The following RNF17 variants were observed in gnomAD, a reference collection of about 807,000 sequenced individuals.
RNF17 encodes the protein ring finger protein 17.
Under a neutral mutation model 200.5 loss-of-function variants are expected in RNF17, and 31 were observed. The observed-to-expected ratio is 0.15, with a 90% CI of 0.12 to 0.21. The LOEUF is 0.21. Ranked by LOEUF, RNF17 falls within the 10% of genes least tolerant of loss-of-function variation. The pLI is 1.00. For missense variants in RNF17, 1,628 were observed against 1,905.1 expected (o/e 0.85, Z 2.71); for synonymous variants, 606 against 637.8 (o/e 0.95, Z 0.75).
intron 15 of RNF17, among the ~76,000 whole-genome samples, chr13:24,811,779 A>G (rs944965256): frequency 7.2e-5 from 11 of 151,744 alleles, no homozygotes; most frequent in African/African-American, 2.2e-4. Flanking sequence ...GGTTTTATCT[A>G]CTTTTGGTCT....
intron 15 of RNF17, among the ~76,000 whole-genome samples, chr13:24,814,507 TAGGTTTAG>T (rs1208875784): frequency 6.6e-6 from 1 of 152,218 alleles, no homozygotes; most frequent in Non-Finnish European, 1.5e-5. Context: ...AAGAGTTTTA[TAGGTTTAG>T]ATCTTTGATT....
At chr13:24,829,470 C>T (rs1019435340) in intron 16 of RNF17, among the ~76,000 whole-genome samples, 7 of 152,172 alleles carry the variant, frequency 4.6e-5, no homozygotes, top group Non-Finnish European at 7.3e-5. Context: ...TGAGAACATC[C>T]TTCTAGCAAG....
chr13:24,881,837 G>T (rs1358203914), downstream of RNF17, among the ~76,000 whole-genome samples: 300 of 126,710 alleles, frequency 2.4e-3, no homozygotes, highest in African/African-American at 9.2e-3. Context: ...CATCTATATA[G>T]ATATATAGAT....
At chr13:24,809,251 T>A (rs1226835452) in intron 15 of RNF17, among the ~76,000 whole-genome samples, 45 of 150,904 alleles carry the variant, frequency 3.0e-4, no homozygotes, top group Middle Eastern at 3.2e-3. Flanking sequence ...TCTGGTAGAA[T>A]TCGGCTGTGA....
rs201051021 is a variant in RNF17, at chr13:24,879,707, AG to A, written c.*11-28del. On this transcript the variant is annotated intron_variant, in intron 35 of 35. Coordinates refer to ENST00000255324, the MANE Select transcript of RNF17 (RefSeq NM_031277.3). ...TAGATTGAACATTTACATTAAGCAA[AG>A]GTTTAAAATAACACATTTTATTTTT... The A allele has an allele frequency of 9.1e-3, 1,434 of 156,862 alleles. 27 individuals are homozygous for A. The highest frequency in any genetic ancestry group is 0.033 in the African/African-American group (1,375 of 41,660). 9.7% of individuals were successfully genotyped at this position (156,862 alleles called of 1,614,324 possible).
chr13:24,886,338 G>A, the RNF17 span: 3 of 1,289,174 alleles, frequency 2.3e-6, no homozygotes, highest in South Asian at 1.2e-5. Context: ...AGCGGAGGCA[G>A]GTGGTCAGCC....
chr13:24,880,082 C>G (rs11840962), downstream of RNF17, among the ~76,000 whole-genome samples: 18 of 152,192 alleles, frequency 1.2e-4, no homozygotes, highest in African/African-American at 4.1e-4. Context: ...GTGTATTAGT[C>G]TCTTCTTATA....
At chr13:24,819,566 A>G (rs556422374) in intron 15 of RNF17, among the ~76,000 whole-genome samples, 1 of 152,310 alleles carries the variant, frequency 6.6e-6, no homozygotes, top group South Asian at 2.1e-4. Flanking sequence ...GAGATTACAT[A>G]TAACATCCTA....
chr13:24,879,436 T>A (rs1895213568), intron 35 of RNF17, 141 bp downstream of exon 35: 1 of 615,530 alleles, frequency 1.6e-6, no homozygotes. Context: ...TCATAGGCCC[T>A]TCTCACCTAT....
chr13:24,885,953 C>T, the RNF17 span: 1 of 455,898 alleles, frequency 2.2e-6, no homozygotes, highest in South Asian at 2.2e-5. Flanking sequence ...GAGACAATCA[C>T]AAGGTGTAAG....
At chr13:24,755,403 G>C in the RNF17 span, among the ~76,000 whole-genome samples, 1 of 151,964 alleles carries the variant, frequency 6.6e-6, no homozygotes, top group East Asian at 1.9e-4. Context: ...TTTCAAAATT[G>C]GTAGCTTATT....
chr13:24,884,771 T>TC (rs1953963950), downstream of RNF17, among the ~76,000 whole-genome samples: 1 of 152,138 alleles, frequency 6.6e-6, no homozygotes, highest in Non-Finnish European at 1.5e-5. Flanking sequence ...CTTCTCTCAT[T>TC]CCTCAAGGAT....
intron 11 of RNF17, among the ~76,000 whole-genome samples, chr13:24,796,761 G>A (rs1488149713): frequency 6.6e-6 from 1 of 152,202 alleles, no homozygotes; most frequent in East Asian, 1.9e-4. Context: ...TTTTAATTGT[G>A]AGGATATGTG....
chr13:24,774,424 G>A (rs1358744484), intron 2 of RNF17, among the ~76,000 whole-genome samples: 1 of 152,198 alleles, frequency 6.6e-6, no homozygotes, highest in African/African-American at 2.4e-5. Context: ...TGGCCAGGCT[G>A]GTGTTGAACT....
chr13:24,839,268 A>G (rs1890357205), intron 18 of RNF17, among the ~76,000 whole-genome samples: 1 of 152,134 alleles, frequency 6.6e-6, no homozygotes, highest in Non-Finnish European at 1.5e-5. Flanking sequence ...TGGTACCCAT[A>G]TTGATGGGTA....
chr13:24,845,526 A>G (rs1369441171), intron 22 of RNF17, among the ~76,000 whole-genome samples: 1 of 152,178 alleles, frequency 6.6e-6, no homozygotes, highest in Non-Finnish European at 1.5e-5. Context: ...TCAGATGACA[A>G]GTTACTTCTG....
At position 24,825,781 on chromosome 13, in the gene RNF17, A is replaced by G; in HGVS notation, c.2245+9A>G. 6.2e-7 allele frequency: 1 copy of G among 1,610,150 alleles called. No individual in the cohort carries two copies. Among genetic ancestry groups the G allele is most frequent in the Non-Finnish European group, 8.5e-7 (1 of 1,178,062 alleles). ...CCGAGCAAAAGTTATCGGTAGGAGA[A>G]TGCATGCTGTTTCTACAGGGAGATG... On this transcript the variant is annotated intron_variant, in intron 16 of 35. Transcript: ENST00000255324.
chr13:24,748,867 A>G, the RNF17 span, among the ~76,000 whole-genome samples: 2 of 151,948 alleles, frequency 1.3e-5, no homozygotes, highest in Admixed American at 6.6e-5. Context: ...CTCCTGCCTC[A>G]GCCTCCTGAG....
rs994208668 is a variant in RNF17, at chr13:24,779,767, A to G, written c.510+20A>G. Reference sequence around the variant, plus strand: ...GGAAAAGTAAGCACTTTGCAGGATTAAATTCTATCATGAAGTGAAGCATGT... The same window carrying G: ...GGAAAAGTAAGCACTTTGCAGGATTGAATTCTATCATGAAGTGAAGCATGT... On this transcript the variant is annotated intron_variant, in intron 5 of 35. Transcript: ENST00000255324. The G allele has an allele frequency of 6.4e-7, 1 of 1,570,950 alleles. No individual in the cohort carries two copies. The highest frequency in any genetic ancestry group is 1.4e-5 in the African/African-American group (1 of 73,986).
Sources: gnomAD v4.1 joint callset for allele counts (sites outside exome capture counted in the v4.1 genomes callset) on GRCh38, gnomAD v4.1.1 for gene constraint, MANE v1.5 for transcripts, NCBI Gene and HGNC (gene_info 2026-07-23, HGNC 2026-07-21) for gene names.